PASK: variants seen among roughly 807,000 people sequenced by gnomAD.
PASK encodes the protein PAS domain-containing serine/threonine-protein kinase.
Under a neutral mutation model 121.0 loss-of-function variants are expected in PASK, and 110 were observed. The ratio of observed to expected loss-of-function variants is 0.91; its 90% CI spans 0.78 to 1.06. The LOEUF (loss-of-function observed/expected upper bound fraction) is 1.06. PASK is among the 50% of genes least tolerant of loss of function. PASK has a pLI of 0.00. For synonymous variants in PASK, 686 were observed against 717.8 expected (o/e 0.96, Z 0.71); for missense variants, 1,643 against 1,702.3 (o/e 0.97, Z 0.61).
In PASK at chr2:241,115,066, G is replaced by T. The variant is rs760066997; in HGVS notation, c.3310C>A (p.Leu1104Met). 1 of 1,614,162 alleles carries T rather than the reference G, an allele frequency of 6.2e-7. No homozygotes were observed. Among genetic ancestry groups the T allele is most frequent in the Non-Finnish European group, 8.5e-7 (1 of 1,180,008 alleles). Reference sequence around the variant, plus strand: ...ACTTGTCGGAAGATGTAGCTCGCCAGGGGCTCATCCAGCCTGGGGTGGCGG... The same window carrying T: ...ACTTGTCGGAAGATGTAGCTCGCCATGGGCTCATCCAGCCTGGGGTGGCGG... ...IDRHPRLDEP[L>M]ASYIFRQLVS... is the part of the protein sequence containing the mutation. Residue 1104 changes from leucine (L) to methionine (M), a missense_variant, in exon 14 of 18, where the codon CTG becomes ATG. Physicochemically the swap from Leu to Met is conservative, Grantham distance 15. Transcript: ENST00000234040.
upstream of PASK, chr2:241,150,111 G>A (rs1438897106): frequency 2.4e-6 from 3 of 1,259,980 alleles, no homozygotes; most frequent in African/African-American, 1.6e-5. Flanking sequence ...CTGGCCCGCG[G>A]CCCCTCCACG....
chr2:241,108,334 C>A lies in PASK; in HGVS notation c.3534-34G>T, dbSNP rs1226076843. The A allele has an allele frequency of 6.2e-7, 1 of 1,612,522 alleles. No homozygotes were observed. Among genetic ancestry groups the A allele is most frequent in the African/African-American group, 1.3e-5 (1 of 74,912 alleles). The stretch of plus-strand genomic sequence containing the variant: ...AGGAGGAGGCATCAGGACGCCACGG[C>A]ACTCAGCGCAGGCTTGCCAAGCCCG... On this transcript the variant is annotated intron_variant, in intron 15 of 17. Coordinates refer to ENST00000234040, the MANE Select transcript of PASK (RefSeq NM_015148.4). This position sits in a 1 kb window ranked among gnomAD's most constrained non-coding sequence, Gnocchi z 5.2.
chr2:241,140,942 C>G (rs1354125851), intron 2 of PASK, 189 bp from the exon 3 acceptor site: 1 of 635,748 alleles, frequency 1.6e-6, no homozygotes, highest in African/African-American at 1.8e-5. Context: ...ACTTAGGCAA[C>G]CACCAGGTCC....
chr2:241,138,468 G>A (rs1456876305), intron 5 of PASK, among the ~76,000 whole-genome samples, 186 bp downstream of exon 5: 1 of 152,242 alleles, frequency 6.6e-6, no homozygotes, highest in Non-Finnish European at 1.5e-5. Context: ...GTGAGGAACT[G>A]AAGTATAGGA....
intron 9 of PASK, among the ~76,000 whole-genome samples, chr2:241,130,587 G>A (rs1472397974): frequency 6.6e-6 from 1 of 152,098 alleles, no homozygotes; most frequent in Non-Finnish European, 1.5e-5. Flanking sequence ...GGTGCGCACA[G>A]CAATATTATT....
chr2:241,144,945 G>A (rs951516054), intron 1 of PASK, among the ~76,000 whole-genome samples: 2 of 152,098 alleles, frequency 1.3e-5, no homozygotes, highest in African/African-American at 4.8e-5. Flanking sequence ...ACAGAGTCTC[G>A]CTGTGTCGCC....
intron 12 of PASK, chr2:241,119,051 T>C (rs1327568494): frequency 5.4e-6 from 3 of 558,962 alleles, no homozygotes; most frequent in East Asian, 1.1e-4. Context: ...CCCCAGAGGC[T>C]GGACAGAGGG....
At chr2:241,120,492 C>CAAAAAAAA (rs568145375) in intron 12 of PASK, among the ~76,000 whole-genome samples, 19 of 140,020 alleles carry the variant, frequency 1.4e-4, no homozygotes, top group East Asian at 8.1e-4. Flanking sequence ...GACTCTGTCT[C>CAAAAAAAA]AAAAGAAAAA....
Position 241,108,072 on chromosome 2 carries a change from G to T in PASK, c.3667+95C>A. Reference sequence around the variant, plus strand: ...AGAAACAAATGAGACTGTTGATATGGACAGAGATACACTGAGGAATGAGGA... The same window carrying T: ...AGAAACAAATGAGACTGTTGATATGTACAGAGATACACTGAGGAATGAGGA... On this transcript the variant is annotated intron_variant, in intron 16 of 17. Transcript: ENST00000234040. The surrounding 1 kb of genome is among the most constrained non-coding windows in gnomAD (Gnocchi z 5.2). 1 of 1,141,756 alleles carries T rather than the reference G, an allele frequency of 8.8e-7. No individual in the cohort carries two copies. The highest frequency in any genetic ancestry group is 1.3e-6 in the Non-Finnish European group (1 of 751,300). The allele number at this position is 1,141,756 out of a possible 1,614,324, so 70.7% of individuals were successfully genotyped here.
At chr2:241,123,923 G>A (rs2065737463) in intron 11 of PASK, 26 bp downstream of exon 11, 1 of 1,595,828 alleles carries the variant, frequency 6.3e-7, no homozygotes, top group Non-Finnish European at 8.6e-7. Flanking sequence ...GCAAGTCCAG[G>A]GCAGGCATTG....
intron 12 of PASK, 138 bp downstream of exon 12, chr2:241,122,594 C>T (rs1419351705): frequency 8.6e-6 from 7 of 813,514 alleles, no homozygotes; most frequent in South Asian, 1.4e-5. Context: ...ATCCGGAAAC[C>T]GCCCACATGC....
rs771038090 is a variant in PASK, at chr2:241,137,282, C to G, written c.877-18G>C. 1 of 1,611,580 alleles carries G rather than the reference C, an allele frequency of 6.2e-7. No individual in the cohort carries two copies. Among genetic ancestry groups the G allele is most frequent in the African/African-American group, 1.3e-5 (1 of 74,894 alleles). On this transcript the variant is annotated intron_variant, in intron 6 of 17. Coordinates refer to ENST00000234040, the MANE Select transcript of PASK (RefSeq NM_015148.4). ...TTGAGATTCTGAAAGAAAGGCTTGT[C>G]GTTTGGCTTAAGCCGTGTTTCACGT...
At chr2:241,114,724 T>G in intron 14 of PASK, 1 of 1,351,696 alleles carries the variant, frequency 7.4e-7, no homozygotes, top group South Asian at 1.9e-5. Flanking sequence ...GCTCTCTGGC[T>G]GCATCCTAAC....
At chr2:241,111,278 C>A (rs1227670968) in intron 15 of PASK, among the ~76,000 whole-genome samples, 1 of 152,184 alleles carries the variant, frequency 6.6e-6, no homozygotes, top group Non-Finnish European at 1.5e-5. Flanking sequence ...GCATCAGCTT[C>A]CCTCCTAGAG....
Position 241,137,087 on chromosome 2 carries a change from G to A in PASK, c.1054C>T (p.Leu352=), listed in dbSNP as rs1289757488. ...FCTISGLITL[L]PDGTIHGINH... ...ATGCCGTGGATGGTCCCATCCGGCA[G>A]GAGGGTGATGAGGCCACTGATGGTG... The change falls in exon 7 of 18, where the codon CTG becomes TTG. Residue 352 remains leucine (L), a synonymous_variant. Transcript: ENST00000234040. The A allele has an allele frequency of 1.2e-6, 2 of 1,613,526 alleles. No individual in the cohort carries two copies. The highest frequency in any genetic ancestry group is 1.7e-6 in the Non-Finnish European group (2 of 1,179,814).
intron 4 of PASK, chr2:241,139,456 C>T (rs1559397019): frequency 2.1e-6 from 1 of 465,868 alleles, no homozygotes; most frequent in Non-Finnish European, 4.5e-6. Flanking sequence ...AGAGAATCAA[C>T]ACTGTCTAGG....
chr2:241,136,290 A>C (rs1368344529), intron 7 of PASK, among the ~76,000 whole-genome samples: 1 of 152,242 alleles, frequency 6.6e-6, no homozygotes, highest in Non-Finnish European at 1.5e-5. Flanking sequence ...TGACATCGAC[A>C]CATCTTTGGA....
At position 241,106,485 on chromosome 2, in the gene PASK, T is replaced by G; in HGVS notation, c.*81A>C. On this transcript the variant is annotated 3_prime_UTR_variant, in exon 18 of 18. Transcript: ENST00000234040. ...AAGGTGAATTGGGGATGCTTCAGAA[T>G]GTATTTTCTCCAAACAGATGGAGCC... 7.0e-7 allele frequency: 1 copy of G among 1,436,974 alleles called. No homozygotes were observed. Among genetic ancestry groups the G allele is most frequent in the Non-Finnish European group, 9.8e-7 (1 of 1,019,660 alleles). The allele number at this position is 1,436,974 out of a possible 1,614,324, so 89.0% of individuals were successfully genotyped here. A position where few individuals can be genotyped will look rare whatever the true frequency, so the allele number is the denominator to read the frequency against.
intron 1 of PASK, 106 bp from the exon 2 acceptor site, chr2:241,143,180 C>T: frequency 2.9e-6 from 2 of 699,530 alleles, no homozygotes; most frequent in Non-Finnish European, 2.6e-6. Context: ...AAAAGACATA[C>T]ACCACCAACC....
Sources: allele counts gnomAD v4.1 joint callset (sites outside exome capture counted in the v4.1 genomes callset), GRCh38; gene constraint gnomAD v4.1.1; non-coding constraint Gnocchi (gnomAD v3.1); transcripts MANE v1.5; gene names NCBI Gene and HGNC (gene_info 2026-07-23, HGNC 2026-07-21).